The following KIAA0319 variants were observed in gnomAD, a reference collection of about 807,000 sequenced individuals.
KIAA0319 encodes dyslexia-associated protein KIAA0319.
In KIAA0319, 83 loss-of-function variants were observed where a neutral mutation model predicts 108.4. The ratio of observed to expected loss-of-function variants is 0.77; its 90% CI spans 0.64 to 0.92. The LOEUF is 0.92. Among genes scored for constraint, KIAA0319 ranks in the 40% least tolerant of loss-of-function variants. The pLI, the probability that KIAA0319 is intolerant of heterozygous loss-of-function variation, is 0.00. For synonymous variants in KIAA0319, 484 were observed against 510.4 expected (o/e 0.95, Z 0.70); for missense variants, 1,195 against 1,322.4 (o/e 0.90, Z 1.49).
intron 1 of KIAA0319, among the ~76,000 whole-genome samples, chr6:24,641,168 T>C (rs1451623740): frequency 6.6e-6 from 1 of 152,232 alleles, no homozygotes; most frequent in Non-Finnish European, 1.5e-5. Context: ...ATGTTGTTTG[T>C]GTCCAGCTTA....
chr6:24,633,797 A>AAAT (rs1775872114), intron 1 of KIAA0319, among the ~76,000 whole-genome samples: 1 of 152,216 alleles, frequency 6.6e-6, no homozygotes, highest in Non-Finnish European at 1.5e-5. Flanking sequence ...GTAAAACCCC[A>AAAT]AATGACTTTT....
At position 24,578,164 on chromosome 6, in the gene KIAA0319, A is replaced by G; in HGVS notation, c.1451T>C (p.Val484Ala). The G allele has an allele frequency of 6.2e-7, 1 of 1,613,482 alleles. No homozygotes were observed. Among genetic ancestry groups the G allele is most frequent in the Non-Finnish European group, 8.5e-7 (1 of 1,179,496 alleles). Residue 484 changes from valine to alanine, a missense_variant, in exon 9 of 21, where the codon GTT (valine) becomes GCT (alanine). Coordinates refer to ENST00000378214, the MANE Select transcript of KIAA0319 (RefSeq NM_014809.4). ...AGACAAGCGTAAGACGGGAGAGTCA[A>G]CTGAAGTCTTCTCTTCTATGAAGGG... ...NGPFIEEKTSVDSPVLRLSNL... is the reference protein window; with the variant it reads ...NGPFIEEKTSADSPVLRLSNL...
intron 1 of KIAA0319, among the ~76,000 whole-genome samples, chr6:24,604,662 C>T (rs1221040945): frequency 2.6e-5 from 4 of 152,148 alleles, no homozygotes; most frequent in East Asian, 3.9e-4. Flanking sequence ...ATTACAGGTG[C>T]TCAGCATAAA....
chr6:24,606,758 T>C (rs1359966052), intron 1 of KIAA0319, among the ~76,000 whole-genome samples: 1 of 152,242 alleles, frequency 6.6e-6, no homozygotes, highest in Non-Finnish European at 1.5e-5. Context: ...GTCATGTGAT[T>C]ATACACTGGT....
chr6:24,610,131 T>C (rs981673482), intron 1 of KIAA0319, among the ~76,000 whole-genome samples: 4 of 152,100 alleles, frequency 2.6e-5, no homozygotes, highest in Non-Finnish European at 5.9e-5. Flanking sequence ...AAGGACACCA[T>C]CAAGAAAGTG....
Position 24,559,010 on chromosome 6 carries a change from T to G in KIAA0319, c.2734+3A>C, listed in dbSNP as rs150584710. 1.9e-6 allele frequency: 3 copies of G among 1,608,894 alleles called. No individual in the cohort carries two copies. Among genetic ancestry groups the G allele is most frequent in the South Asian group, 1.1e-5 (1 of 89,862 alleles). ...GTTTTAGAATATTCCATAGGAGACCTACCTGCTGTATCAACCCTCAAGACC... is the reference window on the plus strand; with the variant it reads ...GTTTTAGAATATTCCATAGGAGACCGACCTGCTGTATCAACCCTCAAGACC... On this transcript the variant is annotated splice_donor_region_variant and intron_variant, in intron 17 of 20. Coordinates refer to ENST00000378214, the MANE Select transcript of KIAA0319 (RefSeq NM_014809.4).
chr6:24,580,140 G>A (rs944657352), intron 7 of KIAA0319, among the ~76,000 whole-genome samples, 190 bp from the exon 8 acceptor site: 21 of 152,150 alleles, frequency 1.4e-4, no homozygotes, highest in African/African-American at 4.8e-4. Flanking sequence ...GAGCTTGTCT[G>A]GACATTTACA....
intron 3 of KIAA0319, among the ~76,000 whole-genome samples, chr6:24,590,296 C>CA (rs60248624): frequency 0.066 from 4,899 of 74,530 alleles, 219 homozygotes; most frequent in African/African-American, 0.18. Context: ...AGAACGAAGG[C>CA]AAAAAAAAAA....
chr6:24,559,044 C>T lies in KIAA0319; in HGVS notation c.2703G>A (p.Leu901=), dbSNP rs370433424. Residue 901 remains leucine, a synonymous_variant, in exon 17 of 21, where the codon TTG becomes TTA. Transcript: ENST00000378214. The stretch of plus-strand genomic sequence containing the variant: ...TATCAACCCTCAAGACCTTGAAAAG[C>T]AAGAAGTCAGCCTTCTCCTTTGAGA... ...MRLSKEKADF[L]LFKVLRVDTA... 4.3e-6 allele frequency: 7 copies of T among 1,612,696 alleles called. No homozygotes were observed. The highest frequency in any genetic ancestry group is 1.1e-5 in the South Asian group (1 of 90,680).
rs2745335 is a variant in KIAA0319 at position 24,617,186 on chromosome 6, A to G, written c.-105-15978T>C. 8.3e-3 allele frequency among the ~76,000 whole-genome samples: 1,260 copies of G among 152,234 alleles called. 12 individuals carry two copies. The highest frequency in any genetic ancestry group is 0.028 in the African/African-American group (1,174 of 41,540). ...TCATAATAACTAAAAAAATACTAAT[A>G]ATAATAAAATGGAACCTCAAATGTC... On this transcript the variant is annotated intron_variant, in intron 1 of 20. Transcript: ENST00000378214.
Position 24,551,508 on chromosome 6 carries a change from A to G in KIAA0319, c.2966T>C (p.Ile989Thr). Residue 989 changes from isoleucine (I) to threonine (T), a missense_variant, in exon 20 of 21, where the codon ATC (isoleucine) becomes ACC (threonine). Transcript: ENST00000378214. ...GATGGTGTACTTTGTTTTTTTCCTG[A>G]TTTTAGTCCTTTTTTGTCTGAAAGG... is the stretch of plus-strand genomic sequence containing the variant. ...CCCKRQKRTK[I>T]RKKTKYTILD... The G allele has an allele frequency of 6.2e-7, 1 of 1,609,248 alleles. No homozygotes were observed.
intron 4 of KIAA0319, among the ~76,000 whole-genome samples, chr6:24,585,159 C>T (rs1318020591): frequency 6.6e-6 from 1 of 152,214 alleles, no homozygotes; most frequent in Non-Finnish European, 1.5e-5. Flanking sequence ...AGCTTTGATA[C>T]GTCTTCCCTT....
At chr6:24,623,432 G>C (rs1774246059) in intron 1 of KIAA0319, among the ~76,000 whole-genome samples, 1 of 152,106 alleles carries the variant, frequency 6.6e-6, no homozygotes, top group African/African-American at 2.4e-5. Flanking sequence ...CAAATTAAAA[G>C]GGCCTACATA....
At chr6:24,577,830 G>A (rs1482745548) in intron 9 of KIAA0319, among the ~76,000 whole-genome samples, 1 of 152,166 alleles carries the variant, frequency 6.6e-6, no homozygotes, top group Non-Finnish European at 1.5e-5. Flanking sequence ...GCAGCAGTAA[G>A]CTGCTCCAAT....
chr6:24,543,022 GCTTT>G (rs1427459226), downstream of KIAA0319, among the ~76,000 whole-genome samples: 1 of 152,210 alleles, frequency 6.6e-6, no homozygotes, highest in Non-Finnish European at 1.5e-5. Context: ...CAGAACGCTT[GCTTT>G]GTTTTTTGAA....
At chr6:24,564,075 T>C in intron 15 of KIAA0319, 127 bp downstream of exon 15, 1 of 1,069,584 alleles carries the variant, frequency 9.3e-7, no homozygotes, top group Admixed American at 2.2e-5. Flanking sequence ...ATCCTCAAAG[T>C]GGGTCCAGCC....
At position 24,564,221 on chromosome 6, in the gene KIAA0319, G is replaced by A. The variant is rs1216380908; in HGVS notation, c.2412C>T (p.Ala804=). 12 of 1,614,012 alleles carry A rather than the reference G, an allele frequency of 7.4e-6. No homozygotes were observed. Among genetic ancestry groups the A allele is most frequent in the Non-Finnish European group, 1.0e-5 (12 of 1,180,020 alleles). Reference sequence around the variant, plus strand: ...ACTCACCTGGCTGCACTTCCACAGTGGCAGTGTCTGTGTCCGAGGCCCCCT... The same window carrying A: ...ACTCACCTGGCTGCACTTCCACAGTAGCAGTGTCTGTGTCCGAGGCCCCCT... ...DSQGASDTDT[A]TVEVQPDPRK... Residue 804 remains alanine (A), a synonymous_variant, in exon 15 of 21, where the codon GCC becomes GCT. Transcript: ENST00000378214.
intron 4 of KIAA0319, among the ~76,000 whole-genome samples, chr6:24,585,329 C>G (rs1767302136): frequency 6.7e-6 from 1 of 150,048 alleles, no homozygotes; most frequent in Non-Finnish European, 1.5e-5. Flanking sequence ...GAGATACCTA[C>G]AAAGATTAAA....
intron 3 of KIAA0319, among the ~76,000 whole-genome samples, chr6:24,595,034 C>G (rs1260284678): frequency 1.3e-5 from 2 of 152,304 alleles, no homozygotes; most frequent in East Asian, 3.9e-4. Flanking sequence ...GACCCTCATT[C>G]TTTTTTCACC....
Sources: allele counts gnomAD v4.1 joint callset (sites outside exome capture counted in the v4.1 genomes callset), GRCh38; gene constraint gnomAD v4.1.1; transcripts MANE v1.5; gene names NCBI Gene and HGNC (gene_info 2026-07-23, HGNC 2026-07-21).